Variants in PPIG observed in about 807,000 individuals in gnomAD.
PPIG encodes the protein peptidyl-prolyl cis-trans isomerase G.
Under a neutral mutation model 87.9 loss-of-function variants are expected in PPIG, and 26 were observed. The observed-to-expected ratio is 0.30, with a 90% CI of 0.22 to 0.41. The LOEUF is 0.41. Among genes scored for constraint, PPIG ranks in the 10% least tolerant of loss-of-function variants. The probability of loss-of-function intolerance (pLI) is 1.00; values close to 1 mark genes in which losing one functional copy is unlikely to be tolerated. For missense variants in PPIG, 722 were observed against 879.4 expected (o/e 0.82, Z 2.26); for synonymous variants, 308 against 276.5 (o/e 1.11, Z -1.13).
At chr2:169,632,028 T>C in intron 11 of PPIG, 95 bp downstream of exon 11, 2 of 1,310,414 alleles carry the variant, frequency 1.5e-6, no homozygotes, top group African/African-American at 3.0e-5. Context: ...ATTGGTGACC[T>C]TGTCCCAAGA....
At chr2:169,603,839 C>T in intron 2 of PPIG, 145 bp downstream of exon 2, 1 of 580,934 alleles carries the variant, frequency 1.7e-6, no homozygotes, top group South Asian at 2.3e-5. Context: ...CTAATTGCTT[C>T]ACAAAATGCA....
chr2:169,609,267 G>T (rs2592814), intron 7 of PPIG, among the ~76,000 whole-genome samples: 54,093 of 151,528 alleles, frequency 0.36, 10,211 homozygotes, highest in Admixed American at 0.48. Context: ...CGAGTGCAGT[G>T]TTGCAATCAT....
intron 1 of PPIG, among the ~76,000 whole-genome samples, chr2:169,598,212 T>C (rs1240663039): frequency 2.0e-5 from 3 of 152,150 alleles, no homozygotes; most frequent in Non-Finnish European, 4.4e-5. Context: ...TTGCCCAGGC[T>C]GGTCTCAAAC....
chr2:169,612,423 G>A (rs1349981004), intron 7 of PPIG, among the ~76,000 whole-genome samples: 1 of 117,618 alleles, frequency 8.5e-6, no homozygotes, highest in Admixed American at 1.0e-4. Context: ...TTGCTCTGTT[G>A]CCCAGCCTGG....
intron 1 of PPIG, among the ~76,000 whole-genome samples, chr2:169,585,632 T>G (rs954698939): frequency 3.9e-5 from 6 of 152,236 alleles, no homozygotes; most frequent in African/African-American, 7.2e-5. Flanking sequence ...TTGGAAATGC[T>G]ATAAAAGCAC....
intron 4 of PPIG, 121 bp downstream of exon 4, chr2:169,604,382 A>G (rs1034065131): frequency 1.0e-5 from 8 of 803,196 alleles, no homozygotes; most frequent in African/African-American, 2.1e-5. Flanking sequence ...ACGTTGTCCA[A>G]CTGGACTAGA....
Position 169,637,238 on chromosome 2 carries a change from T to C in PPIG, c.1980T>C (p.Ser660=). Residue 660 remains serine (S), a synonymous_variant, in exon 14 of 14, where the codon AGT becomes AGC. Coordinates refer to ENST00000260970, the MANE Select transcript of PPIG (RefSeq NM_004792.3). ...KSSHRKENSE[S]EKRMYSKSRD... is the part of the protein sequence containing the mutation. ...CACACAGAAAAGAAAATTCTGAGAG[T>C]GAGAAAAGAATGTACTCTAAAAGTC... is the stretch of plus-strand genomic sequence containing the variant. 2 of 1,612,352 alleles carry C rather than the reference T, an allele frequency of 1.2e-6. No individual in the cohort carries two copies. The highest frequency in any genetic ancestry group is 1.1e-5 in the South Asian group (1 of 90,964).
At position 169,637,641 on chromosome 2, in the gene PPIG, C is replaced by T. The variant is rs1686219650; in HGVS notation, c.*118C>T. The T allele has an allele frequency of 7.5e-6, 8 of 1,065,312 alleles. No homozygotes were observed. Among genetic ancestry groups the T allele is most frequent in the East Asian group, 2.7e-5 (1 of 37,360 alleles). 66.0% of individuals were successfully genotyped at this position (1,065,312 alleles called of 1,614,324 possible). A position where few individuals can be genotyped will look rare whatever the true frequency, so the allele number is the denominator to read the frequency against. On this transcript the variant is annotated 3_prime_UTR_variant, in exon 14 of 14. Transcript: ENST00000260970. ...GTTTTTGGATTGTTTTATGTTTGTC[C>T]TTTTTTTTCTTAATGTGGATTTCAT...
chr2:169,639,533 A>G lies in PPIG; in HGVS notation c.*2010A>G, dbSNP rs1284384453. 1 of 152,100 alleles carries G rather than the reference A, an allele frequency of 6.6e-6. No homozygotes were observed. The allele number at this position is 152,100 out of a possible 1,614,324, so 9.4% of individuals were successfully genotyped here. A position where few individuals can be genotyped will look rare whatever the true frequency, so the allele number is the denominator to read the frequency against. On this transcript the variant is annotated 3_prime_UTR_variant, in exon 14 of 14. Transcript: ENST00000260970. ...AATCTTAGAGTTTCAAAAAGTAACC[A>G]TAGGGAAAAAAATTGTAGTAATTTC...
At chr2:169,618,563 C>G (rs1685662683) in intron 9 of PPIG, among the ~76,000 whole-genome samples, 1 of 152,206 alleles carries the variant, frequency 6.6e-6, no homozygotes, top group Admixed American at 6.5e-5. Context: ...GATTCGACTT[C>G]TTCCTGGTTT....
intron 12 of PPIG, chr2:169,633,643 T>A (rs1686114030): frequency 8.9e-6 from 2 of 225,660 alleles, no homozygotes; most frequent in South Asian, 2.3e-4. Context: ...TTATAGAAAC[T>A]TGGCTATACT....
intron 9 of PPIG, among the ~76,000 whole-genome samples, chr2:169,626,489 T>A (rs1451062831): frequency 2.1e-5 from 3 of 144,846 alleles, no homozygotes; most frequent in Admixed American, 6.8e-5. Flanking sequence ...CGCCTCCCAG[T>A]TCAAGAGATT....
At chr2:169,609,912 T>A (rs1334512622) in intron 7 of PPIG, among the ~76,000 whole-genome samples, 1 of 152,198 alleles carries the variant, frequency 6.6e-6, no homozygotes, top group African/African-American at 2.4e-5. Context: ...TAAAATGCAG[T>A]CAGTTCTCAC....
chr2:169,628,939 C>CAAAAAAAAAAA lies in PPIG; in HGVS notation c.548-1816_548-1806dup, dbSNP rs71006010. 5.0e-4 allele frequency among the ~76,000 whole-genome samples: 46 copies of CAAAAAAAAAAA among 92,316 alleles called. 1 individual carries two copies. The highest frequency in any genetic ancestry group is 1.8e-3 in the African/African-American group (45 of 24,530). 60.6% of individuals were successfully genotyped at this position (92,316 alleles called of 152,430 possible). ...GGGCAACAGAGCAAGACCCTGTCTC[C>CAAAAAAAAAAA]AAAAAAAAAAAAAAAAAAAAAAAAA... On this transcript the variant is annotated intron_variant, in intron 9 of 13. Coordinates refer to ENST00000260970, the MANE Select transcript of PPIG (RefSeq NM_004792.3).
At chr2:169,628,797 T>G (rs1319157583) in intron 9 of PPIG, among the ~76,000 whole-genome samples, 2 of 151,758 alleles carry the variant, frequency 1.3e-5, no homozygotes, top group African/African-American at 4.8e-5. Flanking sequence ...ATTAAAAAAA[T>G]TAGCAGGGCA....
In PPIG at chr2:169,614,451, TG is replaced by T; in HGVS notation, c.378-12del. ...ACTTTGTTTTTATTCTTCTATCTGATGATTTCCAAAAGAACAACGAAACCAA... is the reference window on the plus strand; with the variant it reads ...ACTTTGTTTTTATTCTTCTATCTGATATTTCCAAAAGAACAACGAAACCAA... On this transcript the variant is annotated splice_polypyrimidine_tract_variant and intron_variant, in intron 7 of 13. Coordinates refer to ENST00000260970, the MANE Select transcript of PPIG (RefSeq NM_004792.3). 6.5e-7 allele frequency: 1 copy of T among 1,541,112 alleles called. No individual in the cohort carries two copies. The highest frequency in any genetic ancestry group is 1.2e-5 in the South Asian group (1 of 83,278).
At chr2:169,612,063 A>C (rs896774480) in intron 7 of PPIG, among the ~76,000 whole-genome samples, 3 of 150,930 alleles carry the variant, frequency 2.0e-5, no homozygotes, top group African/African-American at 7.3e-5. Flanking sequence ...GCGGCCTCAA[A>C]CTCCTAGGCT....
At chr2:169,611,613 A>G (rs1270856254) in intron 7 of PPIG, among the ~76,000 whole-genome samples, 2 of 152,172 alleles carry the variant, frequency 1.3e-5, no homozygotes, top group African/African-American at 4.8e-5. Flanking sequence ...TTTCAAAAGG[A>G]AAGGATAGTT....
Position 169,637,935 on chromosome 2 carries a change from T to C in PPIG, c.*412T>C, listed in dbSNP as rs139344669. On this transcript the variant is annotated 3_prime_UTR_variant, in exon 14 of 14. Coordinates refer to ENST00000260970, the MANE Select transcript of PPIG (RefSeq NM_004792.3). ...CACTAGAAGACATCTTGTATAGATT[T>C]TCTGATTGCGTTATAAATAGAGGTT... The C allele has an allele frequency of 2.8e-3, 428 of 153,518 alleles. 6 individuals are homozygous for C. Among genetic ancestry groups the C allele is most frequent in the Middle Eastern group, 6.8e-3 (2 of 296 alleles). 9.5% of individuals were successfully genotyped at this position (153,518 alleles called of 1,614,324 possible).
Sources: allele counts gnomAD v4.1 joint callset (sites outside exome capture counted in the v4.1 genomes callset), GRCh38; gene constraint gnomAD v4.1.1; transcripts MANE v1.5; gene names NCBI Gene and HGNC (gene_info 2026-07-23, HGNC 2026-07-21).